Variants in ZBTB24 observed in about 807,000 individuals in gnomAD.
The protein encoded by ZBTB24 is zinc finger and BTB domain containing 24.
Under a neutral mutation model 53.8 loss-of-function variants are expected in ZBTB24, and 32 were observed. The ratio of observed to expected loss-of-function variants is 0.60; its 90% CI spans 0.45 to 0.80. ZBTB24 has a LOEUF of 0.80. Ranked by LOEUF, ZBTB24 falls within the 30% of genes least tolerant of loss-of-function variation. The probability of loss-of-function intolerance (pLI) is 0.00; values close to 1 mark genes in which losing one functional copy is unlikely to be tolerated. For missense variants in ZBTB24, 722 were observed against 837.1 expected (o/e 0.86, Z 1.70); for synonymous variants, 297 against 306.7 (o/e 0.97, Z 0.33).
At position 109,467,717 on chromosome 6, in the gene ZBTB24, A is replaced by C; in HGVS notation, c.1306T>G (p.Cys436Gly). The change falls in exon 6 of 7, where the codon TGT becomes GGT. Residue 436 changes from cysteine (C) to glycine (G), a missense_variant. Transcript: ENST00000230122. ...GTGAAAGATTTGCCACAGATTTCAC[A>C]AGTAAATGGCTTCTCACCTAAAAAA... ...RTHTGEKPFT[C>G]EICGKSFTAK... is the part of the protein sequence containing the mutation. The C allele has an allele frequency of 6.2e-7, 1 of 1,614,176 alleles. No individual in the cohort carries two copies. The highest frequency in any genetic ancestry group is 1.1e-5 in the South Asian group (1 of 91,042).
Position 109,481,024 on chromosome 6 carries a change from A to G in ZBTB24, c.952+51T>C, listed in dbSNP as rs538791190. 4 of 1,603,848 alleles carry G rather than the reference A, an allele frequency of 2.5e-6. No homozygotes were observed. The South Asian group carries it at 4.4e-5, about 18-fold the overall frequency. On this transcript the variant is annotated intron_variant, in intron 2 of 6. Coordinates refer to ENST00000230122, the MANE Select transcript of ZBTB24 (RefSeq NM_014797.3). ...GTAAATGGAAGCTATTATTATCATC[A>G]CTACTCCCAATTCTGCAACACACTG...
At chr6:109,467,956 C>A (rs1776087295) in intron 5 of ZBTB24, among the ~76,000 whole-genome samples, 1 of 152,064 alleles carries the variant, frequency 6.6e-6, no homozygotes, top group African/African-American at 2.4e-5. Context: ...ACACAGAAAT[C>A]GTAAGGCATG....
In ZBTB24 at chr6:109,481,333, G is replaced by C. The variant is rs1205469746; in HGVS notation, c.694C>G (p.Pro232Ala). 6.2e-7 allele frequency: 1 copy of C among 1,614,006 alleles called. No individual in the cohort carries two copies. The highest frequency in any genetic ancestry group is 1.3e-5 in the African/African-American group (1 of 74,912). Residue 232 changes from proline (P) to alanine (A), a missense_variant, in exon 2 of 7, where the codon CCA becomes GCA. Coordinates refer to ENST00000230122, the MANE Select transcript of ZBTB24 (RefSeq NM_014797.3). Reference sequence around the variant, plus strand: ...TCATAGTTCTCATCTTTTTCAACTGGCATTTCCTCCTCTCTACTTGGCTCA... The same window carrying C: ...TCATAGTTCTCATCTTTTTCAACTGCCATTTCCTCCTCTCTACTTGGCTCA... ...TCEPSREEEM[P>A]VEKDENYDPK...
rs1035706245 is a variant in ZBTB24 at position 109,467,448 on chromosome 6, C to G, written c.1370+205G>C. 3 of 825,596 alleles carry G rather than the reference C, an allele frequency of 3.6e-6. No individual in the cohort carries two copies. The African/African-American group carries it at 5.6e-5, about 15-fold the overall frequency. The allele number at this position is 825,596 out of a possible 1,614,324, so 51.1% of individuals were successfully genotyped here. A position where few individuals can be genotyped will look rare whatever the true frequency, so the allele number is the denominator to read the frequency against. On this transcript the variant is annotated intron_variant, in intron 6 of 6. Coordinates refer to ENST00000230122, the MANE Select transcript of ZBTB24 (RefSeq NM_014797.3). ...ATCGCCTGAACTCCCACCTGCACTC[C>G]ACTCACACCACTGCACTCCAGCCTG...
At chr6:109,468,127 TA>T (rs1451763270) in intron 5 of ZBTB24, among the ~76,000 whole-genome samples, 1 of 152,044 alleles carries the variant, frequency 6.6e-6, no homozygotes, top group Admixed American at 6.6e-5. Context: ...TAGGGTGAGT[TA>T]TGTATTATTC....
intron 5 of ZBTB24, among the ~76,000 whole-genome samples, chr6:109,468,601 C>T (rs1776103553): frequency 6.6e-6 from 1 of 151,748 alleles, no homozygotes; most frequent in African/African-American, 2.4e-5. Flanking sequence ...TTAGTTTTTC[C>T]ACAATGCTAT....
chr6:109,469,522 A>AG (rs147741070), intron 5 of ZBTB24, among the ~76,000 whole-genome samples: 3,089 of 152,278 alleles, frequency 0.02, 95 homozygotes, highest in African/African-American at 0.071. Flanking sequence ...GTCAATCTGC[A>AG]GGGGGTCTTC....
chr6:109,465,342 G>A lies in ZBTB24; in HGVS notation c.*509C>T. The A allele has an allele frequency of 2.9e-6, 1 of 350,394 alleles. No individual in the cohort carries two copies. The highest frequency in any genetic ancestry group is 5.2e-6 in the Non-Finnish European group (1 of 191,904). The allele number at this position is 350,394 out of a possible 1,614,324, so 21.7% of individuals were successfully genotyped here. A position where few individuals can be genotyped will look rare whatever the true frequency, so the allele number is the denominator to read the frequency against. Reference sequence around the variant, plus strand: ...CTTAGGGGACTGGAAATTATTAAAAGGGCAAATTCCCCATACATTGTGATC... The same window carrying A: ...CTTAGGGGACTGGAAATTATTAAAAAGGCAAATTCCCCATACATTGTGATC... On this transcript the variant is annotated 3_prime_UTR_variant, in exon 7 of 7. Coordinates refer to ENST00000230122, the MANE Select transcript of ZBTB24 (RefSeq NM_014797.3).
chr6:109,481,641 T>C lies in ZBTB24; in HGVS notation c.386A>G (p.Gln129Arg), dbSNP rs778386042. The change falls in exon 2 of 7, where the codon CAA becomes CGA. Residue 129 changes from glutamine to arginine, a missense_variant. Transcript: ENST00000230122. ...YDLVKAYTDF[Q>R]NNHSSPKPTT... Reference sequence around the variant, plus strand: ...TGGCTTTGGGGAGCTATGATTATTTTGGAAGTCTGTGTAAGCCTTTACCAG... The same window carrying C: ...TGGCTTTGGGGAGCTATGATTATTTCGGAAGTCTGTGTAAGCCTTTACCAG... The C allele has an allele frequency of 2.5e-6, 4 of 1,614,248 alleles. No individual in the cohort carries two copies. In the Admixed American group the frequency reaches 6.7e-5, roughly 27 times the overall value.
chr6:109,479,346 T>C (rs1776347088), intron 2 of ZBTB24, among the ~76,000 whole-genome samples: 1 of 152,166 alleles, frequency 6.6e-6, no homozygotes, highest in African/African-American at 2.4e-5. Context: ...ATGCACCAAA[T>C]GCAGAGTACT....
chr6:109,477,586 C>T (rs1352894361), intron 2 of ZBTB24, among the ~76,000 whole-genome samples: 1 of 152,164 alleles, frequency 6.6e-6, no homozygotes, highest in Non-Finnish European at 1.5e-5. Flanking sequence ...TCAAATCTTC[C>T]ACTCTACACA....
In ZBTB24 at chr6:109,481,294, C is replaced by A. The variant is rs762687481; in HGVS notation, c.733G>T (p.Asp245Tyr). ...KDENYDPKTE[D>Y]GQASQSRYSK... ...TATCGACTCTGGCTTGCCTGGCCAT[C>A]CTCGGTCTTGGGATCATAGTTCTCA... The change falls in exon 2 of 7, where the codon GAT becomes TAT. Residue 245 changes from aspartate (D) to tyrosine (Y), a missense_variant. By Grantham distance (160) the Asp-to-Tyr change is radical (BLOSUM62 -3). Coordinates refer to ENST00000230122, the MANE Select transcript of ZBTB24 (RefSeq NM_014797.3). 8 of 1,614,186 alleles carry A rather than the reference C, an allele frequency of 5.0e-6. 1 individual carries two copies. The highest frequency in any genetic ancestry group is 3.3e-4 in the Middle Eastern group (2 of 6,062).
chr6:109,465,437 A>AT lies in ZBTB24; in HGVS notation c.*413_*414insA. 1 of 569,408 alleles carries AT rather than the reference A, an allele frequency of 1.8e-6. No individual in the cohort carries two copies. The highest frequency in any genetic ancestry group is 3.1e-6 in the Non-Finnish European group (1 of 324,710). 35.3% of individuals were successfully genotyped at this position (569,408 alleles called of 1,614,324 possible). The stretch of plus-strand genomic sequence containing the variant: ...CCTAAGAAAAATAAGAAAATAGAAC[A>AT]AACCATTCTGCCCAGTTCAACCAAA... On this transcript the variant is annotated 3_prime_UTR_variant, in exon 7 of 7. Transcript: ENST00000230122.
At chr6:109,475,992 T>C (rs1776270079) in intron 4 of ZBTB24, among the ~76,000 whole-genome samples, 183 bp downstream of exon 4, 1 of 152,222 alleles carries the variant, frequency 6.6e-6, no homozygotes, top group African/African-American at 2.4e-5. Context: ...AAATAAAACA[T>C]AATTCACATG....
chr6:109,469,358 T>C (rs1451807856), intron 5 of ZBTB24, among the ~76,000 whole-genome samples: 1 of 152,352 alleles, frequency 6.6e-6, no homozygotes. Context: ...CAACATTAAC[T>C]ATACCATTCA....
chr6:109,470,800 A>T (rs888485121), intron 5 of ZBTB24, among the ~76,000 whole-genome samples: 11 of 152,276 alleles, frequency 7.2e-5, no homozygotes, highest in Non-Finnish European at 1.5e-4. Flanking sequence ...ACAACCAGTT[A>T]ACAATGGCGA....
chr6:109,475,479 T>C lies in ZBTB24; in HGVS notation c.1208A>G (p.His403Arg), dbSNP rs140690133. The C allele has an allele frequency of 6.8e-6, 11 of 1,614,152 alleles. No individual in the cohort carries two copies. In the East Asian group the frequency reaches 2.0e-4, roughly 29 times the overall value. Residue 403 changes from histidine to arginine, a missense_variant, in exon 5 of 7, where the codon CAC (histidine) becomes CGC (arginine). By Grantham distance (29) the His-to-Arg change is conservative. Transcript: ENST00000230122. ...LKSHYRVHTG[H>R]SLPECKDCHR... Reference sequence around the variant, plus strand: ...GCAGTCTTTGCATTCCGGTAATGAGTGGCCTTGTCGCAACAATAAAAAAAG... The same window carrying C: ...GCAGTCTTTGCATTCCGGTAATGAGCGGCCTTGTCGCAACAATAAAAAAAG...
intron 2 of ZBTB24, among the ~76,000 whole-genome samples, chr6:109,477,207 C>G (rs1170207531): frequency 6.6e-6 from 1 of 152,194 alleles, no homozygotes. Context: ...GCTACCATAG[C>G]TGACTATAGC....
Position 109,481,508 on chromosome 6 carries a change from C to G in ZBTB24, c.519G>C (p.Glu173Asp). 1 of 1,614,192 alleles carries G rather than the reference C, an allele frequency of 6.2e-7. No individual in the cohort carries two copies. The highest frequency in any genetic ancestry group is 8.5e-7 in the Non-Finnish European group (1 of 1,180,046). The change falls in exon 2 of 7, where the codon GAG becomes GAC. Residue 173 changes from glutamate (E) to aspartate (D), a missense_variant. Glu to Asp is a conservative substitution (Grantham distance 45). Transcript: ENST00000230122. ...GRPKKVNTLQ[E>D]EKSELAAEEE... The stretch of plus-strand genomic sequence containing the variant: ...CCTCTGCAGCCAGTTCTGATTTCTC[C>G]TCCTGCAATGTATTGACTTTTTTTG...
Sources: allele counts gnomAD v4.1 joint callset (sites outside exome capture counted in the v4.1 genomes callset), GRCh38; gene constraint gnomAD v4.1.1; transcripts MANE v1.5; gene names NCBI Gene and HGNC (gene_info 2026-07-23, HGNC 2026-07-21).